The following CAMK1D variants were observed in gnomAD, a reference collection of about 807,000 sequenced individuals.
CAMK1D encodes the protein calcium/calmodulin dependent protein kinase ID.
A neutral mutation model predicts 47.7 loss-of-function variants in CAMK1D; 9 were observed. The ratio of observed to expected loss-of-function variants is 0.19; its 90% CI spans 0.11 to 0.33. CAMK1D has a LOEUF of 0.33. Among genes scored for constraint, CAMK1D ranks in the 10% least tolerant of loss-of-function variants. The probability of loss-of-function intolerance (pLI) is 1.00; values close to 1 mark genes in which losing one functional copy is unlikely to be tolerated. For synonymous variants in CAMK1D, 184 were observed against 184.9 expected (o/e 0.99, Z 0.04); for missense variants, 291 against 488.7 (o/e 0.60, Z 3.81).
intron 4 of CAMK1D, among the ~76,000 whole-genome samples, chr10:12,765,081 A>C (rs1349739396): frequency 6.6e-6 from 1 of 152,040 alleles, no homozygotes; most frequent in Non-Finnish European, 1.5e-5. Flanking sequence ...GGTGACAGAG[A>C]GAGACTCCAT....
chr10:12,822,242 G>A (rs1588969522), intron 8 of CAMK1D, among the ~76,000 whole-genome samples: 2 of 152,182 alleles, frequency 1.3e-5, no homozygotes, highest in South Asian at 4.1e-4. Flanking sequence ...CGTTGTCATT[G>A]CGGCTTGTAC....
At chr10:12,384,860 A>C (rs995173651) in intron 1 of CAMK1D, among the ~76,000 whole-genome samples, 1 of 152,248 alleles carries the variant, frequency 6.6e-6, no homozygotes, top group Non-Finnish European at 1.5e-5. Flanking sequence ...CACCTCACAG[A>C]GTGGGAAATG....
chr10:12,663,336 A>G (rs976766745), intron 2 of CAMK1D, among the ~76,000 whole-genome samples: 2 of 152,206 alleles, frequency 1.3e-5, no homozygotes, highest in East Asian at 1.9e-4. Flanking sequence ...TCTGAATGCT[A>G]GAGTCTGGAC....
chr10:12,602,916 A>ATTATTATTATTATTATTATTATTG, intron 2 of CAMK1D, among the ~76,000 whole-genome samples: 1 of 148,030 alleles, frequency 6.8e-6, no homozygotes, highest in Non-Finnish European at 1.5e-5. Context: ...TATTATTATT[A>ATTATTATTATTATTATTATTATTG]TTATTATTTT....
At chr10:12,628,721 A>C (rs1839294531) in intron 2 of CAMK1D, among the ~76,000 whole-genome samples, 1 of 152,192 alleles carries the variant, frequency 6.6e-6, no homozygotes, top group South Asian at 2.1e-4. Context: ...TGTATCCACC[A>C]TCATAGAGGC....
chr10:12,766,466 T>C (rs1047984385), intron 4 of CAMK1D, among the ~76,000 whole-genome samples: 5 of 151,028 alleles, frequency 3.3e-5, no homozygotes, highest in Admixed American at 6.6e-5. Flanking sequence ...AGCCTCCATA[T>C]TGGACATGCC....
chr10:12,391,892 A>G (rs1161641274), intron 1 of CAMK1D, among the ~76,000 whole-genome samples: 1 of 152,054 alleles, frequency 6.6e-6, no homozygotes, highest in Non-Finnish European at 1.5e-5. Context: ...TATAACTGAA[A>G]ATGGTGAAAT....
In CAMK1D at chr10:12,443,922, G is replaced by GC. The variant is rs564842142; in HGVS notation, c.92+94015dup. On this transcript the variant is annotated intron_variant, in intron 1 of 10. Coordinates refer to ENST00000619168, the MANE Select transcript of CAMK1D (RefSeq NM_153498.4). ...TGGGATTATAGGCATGAGCCACTGT[G>GC]CCCAGCCTGGTTTCCCATTTTTATG... is the stretch of plus-strand genomic sequence containing the variant. Among the ~76,000 whole-genome samples, 16 of 152,282 alleles carry GC rather than the reference G, an allele frequency of 1.1e-4. No individual in the cohort carries two copies. In the South Asian group the frequency reaches 3.1e-3, roughly 30 times the overall value.
intron 1 of CAMK1D, among the ~76,000 whole-genome samples, chr10:12,534,510 G>C (rs1175925301): frequency 6.6e-6 from 1 of 152,172 alleles, no homozygotes; most frequent in African/African-American, 2.4e-5. Flanking sequence ...GGAATTACAT[G>C]CATGTGCCAC....
intron 1 of CAMK1D, among the ~76,000 whole-genome samples, chr10:12,427,173 GC>G: frequency 6.6e-6 from 1 of 152,194 alleles, no homozygotes; most frequent in East Asian, 1.9e-4. Context: ...TTCAGATGGA[GC>G]CCCGGCAGGA....
intron 1 of CAMK1D, among the ~76,000 whole-genome samples, chr10:12,507,899 C>G (rs1305853865): frequency 6.6e-6 from 1 of 152,170 alleles, no homozygotes; most frequent in Non-Finnish European, 1.5e-5. Flanking sequence ...AATTCACCCC[C>G]TCTTCTCTCA....
At chr10:12,599,428 G>A (rs545568925) in intron 2 of CAMK1D, among the ~76,000 whole-genome samples, 1 of 152,168 alleles carries the variant, frequency 6.6e-6, no homozygotes, top group Non-Finnish European at 1.5e-5. Context: ...CCTAGGAGGT[G>A]TTGTGACCTC....
In CAMK1D at chr10:12,743,660, G is replaced by A. The variant is rs146213344; in HGVS notation, c.300-17288G>A. ...CCCAAAACGACCTCTAAACTCACTA[G>A]CAGTCACTCCCTATTTCTCTTTCCT... On this transcript the variant is annotated intron_variant, in intron 3 of 10. Coordinates refer to ENST00000619168, the MANE Select transcript of CAMK1D (RefSeq NM_153498.4). Among the ~76,000 whole-genome samples, 118 of 152,236 alleles carry A rather than the reference G, an allele frequency of 7.8e-4. 2 individuals are homozygous for A. Among genetic ancestry groups the A allele is most frequent in the Non-Finnish European group, 1.1e-3 (75 of 68,006 alleles).
chr10:12,554,443 C>T (rs1836696117), intron 2 of CAMK1D, among the ~76,000 whole-genome samples: 2 of 131,246 alleles, frequency 1.5e-5, no homozygotes, highest in South Asian at 4.5e-4. Flanking sequence ...GCATGAGCCA[C>T]TGCGCCTGGC....
intron 3 of CAMK1D, among the ~76,000 whole-genome samples, chr10:12,696,613 T>TATATTC (rs1466929622): frequency 1.3e-5 from 2 of 152,224 alleles, no homozygotes; most frequent in Non-Finnish European, 2.9e-5. Context: ...CCTTCAGTTG[T>TATATTC]ATATTCATAT....
chr10:12,625,983 A>T (rs147174383), intron 2 of CAMK1D, among the ~76,000 whole-genome samples: 2 of 152,352 alleles, frequency 1.3e-5, no homozygotes, highest in African/African-American at 4.8e-5. Context: ...GAACATTAAT[A>T]TATATTCATC....
chr10:12,787,744 G>A (rs1374642341), intron 5 of CAMK1D, among the ~76,000 whole-genome samples: 1 of 152,246 alleles, frequency 6.6e-6, no homozygotes, highest in Non-Finnish European at 1.5e-5. Context: ...GCTCACGCCT[G>A]TAATCCCAGC....
intron 3 of CAMK1D, among the ~76,000 whole-genome samples, chr10:12,749,903 G>A (rs946604012): frequency 6.6e-6 from 1 of 152,134 alleles, no homozygotes; most frequent in Admixed American, 6.6e-5. Flanking sequence ...CAGAAAGTGT[G>A]TTTTAAAAGC....
At position 12,688,626 on chromosome 10, in the gene CAMK1D, G is replaced by A. The variant is rs946767086; in HGVS notation, c.299+21816G>A. On this transcript the variant is annotated intron_variant, in intron 3 of 10. Transcript: ENST00000619168. ...CTAGAATTCCTTTAATTTCCAAAAC[G>A]CTGGCAGCATTAGTTTAGCCTCAGA... Among the ~76,000 whole-genome samples the A allele has an allele frequency of 9.2e-5, 14 of 152,044 alleles. No homozygotes were observed. The East Asian group carries it at 1.2e-3, about 13-fold the overall frequency.
Sources: allele counts gnomAD v4.1 joint callset (sites outside exome capture counted in the v4.1 genomes callset), GRCh38; gene constraint gnomAD v4.1.1; transcripts MANE v1.5; gene names NCBI Gene and HGNC (gene_info 2026-07-23, HGNC 2026-07-21).